Variants in ACO2 observed in about 807,000 individuals in gnomAD.
ACO2 encodes the protein aconitase 2.
Under a neutral mutation model 84.5 loss-of-function variants are expected in ACO2, and 31 were observed. The observed-to-expected ratio is 0.37, with a 90% CI of 0.28 to 0.50. ACO2 has a LOEUF of 0.50. Ranked by LOEUF, ACO2 falls within the 20% of genes least tolerant of loss-of-function variation. The pLI is 0.97. For missense variants in ACO2, 685 were observed against 1,029.3 expected, an observed-to-expected ratio of 0.67 and a Z score of 4.58; for synonymous variants, 414 against 412.7, an observed-to-expected ratio of 1.00 and a Z score of -0.04.
intron 1 of ACO2, among the ~76,000 whole-genome samples, chr22:41,483,454 C>G (rs930971798): frequency 6.6e-6 from 1 of 151,830 alleles, no homozygotes; most frequent in African/African-American, 2.4e-5. Context: ...GTCAGGAGTT[C>G]GAGACCAGCC....
chr22:41,508,447 C>T (rs2066410250), intron 3 of ACO2, among the ~76,000 whole-genome samples: 1 of 152,186 alleles, frequency 6.6e-6, no homozygotes, highest in Admixed American at 6.5e-5. Flanking sequence ...TCTGACCCTC[C>T]AAGGACCCTC....
intron 1 of ACO2, among the ~76,000 whole-genome samples, chr22:41,472,521 C>G (rs1262255818): frequency 6.6e-6 from 1 of 152,148 alleles, no homozygotes; most frequent in African/African-American, 2.4e-5. Flanking sequence ...AACCTCAGAA[C>G]AGTGCCAAGT....
chr22:41,523,553 C>T lies in ACO2; in HGVS notation c.1370+275C>T, dbSNP rs553053234. Among the ~76,000 whole-genome samples the T allele has an allele frequency of 2.2e-4, 33 of 152,186 alleles. 1 individual carries two copies. Among genetic ancestry groups the T allele is most frequent in the Admixed American group, 1.6e-3 (24 of 15,290 alleles). On this transcript the variant is annotated intron_variant, in intron 11 of 17. Coordinates refer to ENST00000216254, the MANE Select transcript of ACO2 (RefSeq NM_001098.3). ...TCACCCTGACGGACACAGCAGGAGC[C>T]GTTTGGGAGGAGGCAGTGCCCCAGG... is the stretch of plus-strand genomic sequence containing the variant.
chr22:41,476,760 TTC>T (rs1291282588), intron 1 of ACO2, among the ~76,000 whole-genome samples: 7 of 151,938 alleles, frequency 4.6e-5, no homozygotes, highest in African/African-American at 1.4e-4. Flanking sequence ...TGCAAATAGT[TTC>T]TGATATTATT....
chr22:41,470,603 C>T (rs1203557033), intron 1 of ACO2, among the ~76,000 whole-genome samples: 2 of 139,924 alleles, frequency 1.4e-5, no homozygotes, highest in East Asian at 2.1e-4. Flanking sequence ...AGTGCAATGG[C>T]GCAATCTTGG....
At chr22:41,527,615 G>A in intron 16 of ACO2, 195 bp downstream of exon 16, 1 of 860,630 alleles carries the variant, frequency 1.2e-6, no homozygotes, top group South Asian at 1.8e-5. Flanking sequence ...CGCAGGCCCT[G>A]CTTCCAGGCT....
chr22:41,497,845 T>C (rs771142917), intron 1 of ACO2, among the ~76,000 whole-genome samples: 13 of 149,874 alleles, frequency 8.7e-5, no homozygotes, highest in Non-Finnish European at 1.3e-4. Flanking sequence ...ATCATGCCAC[T>C]GCACTTCAAC....
At chr22:41,513,015 C>T (rs560448026) in intron 4 of ACO2, among the ~76,000 whole-genome samples, 52 of 152,312 alleles carry the variant, frequency 3.4e-4, no homozygotes, top group South Asian at 3.3e-3. Context: ...AGCACCGCCC[C>T]GCTCTGAAAC....
At chr22:41,512,224 C>T in intron 4 of ACO2, 1 of 421,338 alleles carries the variant, frequency 2.4e-6, no homozygotes, top group Non-Finnish European at 4.2e-6. Context: ...CGACATGTTT[C>T]TTTCCACATT....
chr22:41,506,853 T>C (rs1377545353), intron 2 of ACO2, among the ~76,000 whole-genome samples: 6 of 151,834 alleles, frequency 4.0e-5, no homozygotes, highest in Non-Finnish European at 8.8e-5. Flanking sequence ...GAGCGTGAGG[T>C]CTGAAAGGGG....
At position 41,525,259 on chromosome 22, in the gene ACO2, G is replaced by A. The variant is rs1052489466; in HGVS notation, c.1672G>A (p.Val558Met). 6.8e-6 allele frequency: 11 copies of A among 1,614,066 alleles called. No individual in the cohort carries two copies. Among genetic ancestry groups the A allele is most frequent in the Admixed American group, 3.3e-5 (2 of 60,024 alleles). Residue 558 changes from valine to methionine, a missense_variant, in exon 14 of 18, where the codon GTG (valine) becomes ATG (methionine). This residue lies in a region of ACO2 where 311 missense variants were observed against 441.6 expected (regional missense o/e 0.70). Coordinates refer to ENST00000216254, the MANE Select transcript of ACO2 (RefSeq NM_001098.3). ...PKDSSGQHVDVSPTSQRLQLL... is the reference protein window; with the variant it reads ...PKDSSGQHVDMSPTSQRLQLL... Reference sequence around the variant, plus strand: ...GGACAGCAGCGGGCAGCATGTGGACGTGAGCCCCACCAGCCAGCGCCTGCA... The same window carrying A: ...GGACAGCAGCGGGCAGCATGTGGACATGAGCCCCACCAGCCAGCGCCTGCA...
chr22:41,525,387 C>T (rs766082020), intron 14 of ACO2, 39 bp downstream of exon 14: 28 of 1,607,642 alleles, frequency 1.7e-5, no homozygotes, highest in East Asian at 6.7e-5. Context: ...CCCACCCTGC[C>T]AGGGCCCCCC....
intron 2 of ACO2, among the ~76,000 whole-genome samples, chr22:41,507,151 G>A (rs932575890): frequency 6.6e-6 from 1 of 152,046 alleles, no homozygotes; most frequent in African/African-American, 2.4e-5. Context: ...GCAGTGACCC[G>A]GTCTCTGTTC....
Position 41,523,994 on chromosome 22 carries a change from C to T in ACO2, c.1482+53C>T, listed in dbSNP as rs140358463. On this transcript the variant is annotated intron_variant, in intron 12 of 17. Coordinates refer to ENST00000216254, the MANE Select transcript of ACO2 (RefSeq NM_001098.3). ...TGGGATGGCCTCTGGGGGTCCCTGG[C>T]GGGTCAGAGGAGGAGGCAGAAGGAG... The T allele has an allele frequency of 6.7e-3, 10,294 of 1,531,628 alleles. 120 individuals carry two copies. The highest frequency in any genetic ancestry group is 0.029 in the South Asian group (2,593 of 88,792). 94.9% of individuals were successfully genotyped at this position (1,531,628 alleles called of 1,614,324 possible).
chr22:41,499,903 G>T, intron 2 of ACO2, 41 bp downstream of exon 2: 1 of 1,605,960 alleles, frequency 6.2e-7, no homozygotes, highest in Non-Finnish European at 8.5e-7. Flanking sequence ...CAAGGGCATT[G>T]CGTCTGCTGC....
At chr22:41,495,478 G>A (rs1203269015) in intron 1 of ACO2, among the ~76,000 whole-genome samples, 3 of 151,970 alleles carry the variant, frequency 2.0e-5, no homozygotes, top group Non-Finnish European at 2.9e-5. Flanking sequence ...GCCCATCTAC[G>A]TATTGATAAG....
intron 4 of ACO2, among the ~76,000 whole-genome samples, chr22:41,512,626 C>T (rs1212810311): frequency 3.9e-5 from 6 of 152,202 alleles, no homozygotes; most frequent in Admixed American, 6.5e-5. Flanking sequence ...TGGCGCTCCT[C>T]GGATTTCTTT....
intron 1 of ACO2, among the ~76,000 whole-genome samples, chr22:41,490,135 A>C (rs1162085586): frequency 6.6e-6 from 1 of 152,090 alleles, no homozygotes; most frequent in African/African-American, 2.4e-5. Flanking sequence ...CCAGCCTGGC[A>C]AACATGGTGA....
chr22:41,517,357 GT>G, intron 6 of ACO2, 169 bp from the exon 7 acceptor site: 1 of 614,576 alleles, frequency 1.6e-6, no homozygotes, highest in Non-Finnish European at 2.9e-6. Flanking sequence ...ACCGGCCCAG[GT>G]TTTTACCCAG....
Sources: gnomAD v4.1 joint callset for allele counts (sites outside exome capture counted in the v4.1 genomes callset) on GRCh38, gnomAD v4.1.1 for gene constraint, gnomAD v4.1.1 regional missense constraint, MANE v1.5 for transcripts, NCBI Gene and HGNC (gene_info 2026-07-23, HGNC 2026-07-21) for gene names.